The following FBLN7 variants were observed in gnomAD, a reference collection of about 807,000 sequenced individuals.
The protein encoded by FBLN7 is fibulin-7.
FBLN7 carries 31 observed loss-of-function variants against 44.0 expected under a neutral mutation model. The observed-to-expected ratio is 0.70, with a 90% confidence interval of 0.53 to 0.95. The LOEUF is 0.95. Among genes scored for constraint, FBLN7 ranks in the 40% least tolerant of loss-of-function variants. The pLI, the probability that FBLN7 is intolerant of heterozygous loss-of-function variation, is 0.00. For synonymous variants in FBLN7, 262 were observed against 253.4 expected (o/e 1.03, Z -0.32); for missense variants, 573 against 618.5 (o/e 0.93, Z 0.78).
chr2:112,150,317 G>A (rs570046047), intron 1 of FBLN7, among the ~76,000 whole-genome samples: 9 of 152,106 alleles, frequency 5.9e-5, no homozygotes, highest in Admixed American at 2.0e-4. Context: ...GATGACTCCC[G>A]GGCTGATTTG....
chr2:112,143,904 A>G (rs1680772689), intron 1 of FBLN7, among the ~76,000 whole-genome samples: 1 of 152,182 alleles, frequency 6.6e-6, no homozygotes, highest in Non-Finnish European at 1.5e-5. Context: ...ATATAAATGG[A>G]AAAGAGTACA....
At chr2:112,138,756 A>C in intron 1 of FBLN7, 26 bp downstream of exon 1, 1 of 1,542,818 alleles carries the variant, frequency 6.5e-7, no homozygotes, top group Non-Finnish European at 8.8e-7. Flanking sequence ...GCCTCTCTCC[A>C]GGCCAGTGTC....
intron 3 of FBLN7, among the ~76,000 whole-genome samples, chr2:112,172,022 C>G (rs1462728624): frequency 2.0e-5 from 3 of 152,170 alleles, no homozygotes; most frequent in African/African-American, 4.8e-5. Context: ...GCTAGGATTA[C>G]AGGCGGCGCT....
intron 1 of FBLN7, among the ~76,000 whole-genome samples, chr2:112,158,500 G>A (rs111749686): frequency 0.03 from 4,611 of 151,800 alleles, 86 homozygotes; most frequent in Middle Eastern, 0.051. Flanking sequence ...CAGTGGTGCA[G>A]TCTCGGCTCA....
the FBLN7 span, among the ~76,000 whole-genome samples, chr2:112,193,675 C>T: frequency 1.3e-5 from 2 of 152,282 alleles, no homozygotes; most frequent in South Asian, 4.1e-4. Context: ...ATATCATCCA[C>T]GTCACTTGGG....
the FBLN7 span, among the ~76,000 whole-genome samples, chr2:112,243,130 C>A: frequency 1.3e-5 from 2 of 152,224 alleles, no homozygotes; most frequent in African/African-American, 4.8e-5. Flanking sequence ...TGCTTGGTAT[C>A]ACTGTGCTGT....
At chr2:112,166,895 C>T (rs1393221139) in intron 3 of FBLN7, among the ~76,000 whole-genome samples, 1 of 152,206 alleles carries the variant, frequency 6.6e-6, no homozygotes, top group East Asian at 1.9e-4. Flanking sequence ...GATCTGTCCA[C>T]CCCCTGCCAT....
At chr2:112,159,901 C>G in intron 2 of FBLN7, 66 bp downstream of exon 2, 1 of 1,356,864 alleles carries the variant, frequency 7.4e-7, no homozygotes, top group Non-Finnish European at 9.6e-7. Context: ...CCGAGACGCT[C>G]CCAGCTGGAG....
chr2:112,155,989 G>A (rs1343855863), intron 1 of FBLN7, among the ~76,000 whole-genome samples: 1 of 152,184 alleles, frequency 6.6e-6, no homozygotes, highest in South Asian at 2.1e-4. Flanking sequence ...GGGCAGCTGC[G>A]GCTCCGCGAA....
the FBLN7 span, chr2:112,215,618 G>A: frequency 6.6e-6 from 1 of 152,090 alleles, no homozygotes; most frequent in African/African-American, 2.4e-5. Flanking sequence ...ATAATGACGA[G>A]TTTCCATTTC....
the FBLN7 span, among the ~76,000 whole-genome samples, chr2:112,237,350 A>G: frequency 1.3e-5 from 2 of 152,236 alleles, no homozygotes; most frequent in Admixed American, 6.5e-5. Flanking sequence ...CTGCAACAGT[A>G]AAACTTTAAG....
At chr2:112,233,478 A>C in the FBLN7 span, 26 of 737,816 alleles carry the variant, frequency 3.5e-5, no homozygotes, top group East Asian at 7.0e-4. Context: ...AGAAAGAACC[A>C]AAGTCTTAGA....
At chr2:112,150,652 C>T (rs553904430) in intron 1 of FBLN7, among the ~76,000 whole-genome samples, 23 of 152,276 alleles carry the variant, frequency 1.5e-4, no homozygotes, top group Non-Finnish European at 2.5e-4. Context: ...GATCTTGGCT[C>T]GGATCCTTCC....
rs147018646 is a variant in FBLN7 at position 112,187,275 on chromosome 2, C to A, written c.1089C>A (p.Pro363=). The change falls in exon 8 of 8, where the codon CCC becomes CCA. Residue 363 remains proline, a synonymous_variant. Transcript: ENST00000331203. This position sits in a 1 kb window ranked among gnomAD's most constrained non-coding sequence, Gnocchi z 5.1. ...TLFRMATASA[P]GRAGPNSLRF... ...TCCGCATGGCCACAGCCTCTGCCCC[C>A]GGCCGAGCTGGGCCCAACAGCCTGC... 6.2e-7 allele frequency: 1 copy of A among 1,614,192 alleles called. No individual in the cohort carries two copies.
At chr2:112,141,147 C>T (rs766140867) in intron 1 of FBLN7, among the ~76,000 whole-genome samples, 3 of 152,230 alleles carry the variant, frequency 2.0e-5, no homozygotes, top group Non-Finnish European at 4.4e-5. Flanking sequence ...CACGGAGTGC[C>T]TGGTGCGCCT....
At chr2:112,145,255 G>A (rs2104538024) in intron 1 of FBLN7, among the ~76,000 whole-genome samples, 1 of 152,212 alleles carries the variant, frequency 6.6e-6, no homozygotes, top group East Asian at 1.9e-4. Context: ...CAAAACGTCT[G>A]TTCGAGCCTT....
At chr2:112,225,729 A>G in the FBLN7 span, among the ~76,000 whole-genome samples, 2 of 152,204 alleles carry the variant, frequency 1.3e-5, no homozygotes, top group African/African-American at 4.8e-5. Context: ...AGGCAGGAAT[A>G]TCACTTGAAC....
chr2:112,209,507 G>A, the FBLN7 span, among the ~76,000 whole-genome samples: 1 of 152,192 alleles, frequency 6.6e-6, no homozygotes, highest in East Asian at 1.9e-4. Context: ...AACTTAGGGA[G>A]TGAAGAAATA....
chr2:112,169,612 C>T lies in FBLN7; in HGVS notation c.406+4441C>T, dbSNP rs1573807786. The stretch of plus-strand genomic sequence containing the variant: ...TATTTTTAACCTTCATTCTTTCATT[C>T]AGCCAATTTTTACTGAGCACCAGCC... On this transcript the variant is annotated intron_variant, in intron 3 of 7. Transcript: ENST00000331203. Among the ~76,000 whole-genome samples, 5 of 152,170 alleles carry T rather than the reference C, an allele frequency of 3.3e-5. No homozygotes were observed. In the East Asian group the frequency reaches 9.6e-4, roughly 29 times the overall value.
Sources: gnomAD v4.1 joint callset for allele counts (sites outside exome capture counted in the v4.1 genomes callset) on GRCh38, gnomAD v4.1.1 for gene constraint, Gnocchi (gnomAD v3.1) non-coding constraint, MANE v1.5 for transcripts, NCBI Gene and HGNC (gene_info 2026-07-23, HGNC 2026-07-21) for gene names.